Variants in AEBP2 observed in about 807,000 individuals in gnomAD.
AEBP2 encodes the protein zinc finger protein AEBP2.
Under a neutral mutation model 50.8 loss-of-function variants are expected in AEBP2, and 10 were observed. The ratio of observed to expected loss-of-function variants is 0.20; its 90% CI spans 0.12 to 0.33. The LOEUF (loss-of-function observed/expected upper bound fraction) is 0.33. Among genes scored for constraint, AEBP2 ranks in the 10% least tolerant of loss-of-function variants. AEBP2 has a pLI of 1.00. For synonymous variants in AEBP2, 296 were observed against 261.3 expected (o/e 1.13, Z -1.28); for missense variants, 570 against 688.0 (o/e 0.83, Z 1.92).
chr12:19,408,484 A>G (rs933343014), intron 1 of AEBP2, among the ~76,000 whole-genome samples: 4 of 149,584 alleles, frequency 2.7e-5, no homozygotes, highest in Non-Finnish European at 5.9e-5. Flanking sequence ...AGGAGGTGGA[A>G]GTTGCGGTGA....
chr12:19,424,660 T>C (rs1304463071), intron 1 of AEBP2, among the ~76,000 whole-genome samples: 1 of 151,702 alleles, frequency 6.6e-6, no homozygotes, highest in Non-Finnish European at 1.5e-5. Context: ...CCTCCTAAAG[T>C]GCTGGGATTA....
At chr12:19,495,795 C>A (rs185819053) in intron 4 of AEBP2, among the ~76,000 whole-genome samples, 2 of 152,098 alleles carry the variant, frequency 1.3e-5, no homozygotes, top group Admixed American at 6.6e-5. Context: ...CCTTCCACTT[C>A]AGCCTCCCAA....
chr12:19,408,323 G>A (rs67682727), intron 1 of AEBP2, among the ~76,000 whole-genome samples: 12,726 of 152,014 alleles, frequency 0.084, 597 homozygotes, highest in Middle Eastern at 0.16. Flanking sequence ...ATGGGAGGCC[G>A]AGGTGGACGG....
chr12:19,462,233 T>C (rs1331725434), intron 1 of AEBP2, among the ~76,000 whole-genome samples: 2 of 152,138 alleles, frequency 1.3e-5, no homozygotes, highest in African/African-American at 4.8e-5. Context: ...TGTGGTTTGT[T>C]TTCTGTAAGA....
rs1949351884 is a variant in AEBP2 at position 19,518,482 on chromosome 12, A to G, written c.*365A>G. The G allele has an allele frequency of 3.2e-6, 4 of 1,240,380 alleles. 1 individual carries two copies. In the South Asian group the frequency reaches 9.9e-5, roughly 31 times the overall value. The allele number at this position is 1,240,380 out of a possible 1,614,324, so 76.8% of individuals were successfully genotyped here. On this transcript the variant is annotated 3_prime_UTR_variant, in exon 8 of 8. Transcript: ENST00000266508. ...CCCTTTAGTGATTTCAGTAGTTTAT[A>G]TTGGAAAGAAAAACAATTACAACAT...
At chr12:19,420,218 G>A (rs1242215761) in intron 1 of AEBP2, among the ~76,000 whole-genome samples, 6 of 150,714 alleles carry the variant, frequency 4.0e-5, no homozygotes, top group Non-Finnish European at 7.4e-5. Flanking sequence ...TAGTAGAGAC[G>A]GGGTTTCACC....
Position 19,518,213 on chromosome 12 carries a change from C to G in AEBP2, c.*96C>G. 7.4e-7 allele frequency: 1 copy of G among 1,347,030 alleles called. No homozygotes were observed. The highest frequency in any genetic ancestry group is 9.5e-7 in the Non-Finnish European group (1 of 1,051,940). 83.4% of individuals were successfully genotyped at this position (1,347,030 alleles called of 1,614,324 possible). A position where few individuals can be genotyped will look rare whatever the true frequency, so the allele number is the denominator to read the frequency against. ...GGGAAAGTTGCACATTAGAGTCAAC[C>G]CCTTCTTTTTTTTTTTTTTTTTTTT... On this transcript the variant is annotated 3_prime_UTR_variant, in exon 8 of 8. Transcript: ENST00000266508.
rs566934179 is a variant in AEBP2 at position 19,489,795 on chromosome 12, A to AT, written c.988-4002dup. On this transcript the variant is annotated intron_variant, in intron 3 of 7. Coordinates refer to ENST00000266508, the MANE Select transcript of AEBP2 (RefSeq NM_153207.5). ...TTTCCTTTAGCAGAGAAGAGTTTGT[A>AT]TTTAAGTGAAATATGTGTGATTCTA... Among the ~76,000 whole-genome samples, 32 of 151,872 alleles carry AT rather than the reference A, an allele frequency of 2.1e-4. No individual in the cohort carries two copies. The East Asian group carries it at 5.6e-3, about 27-fold the overall frequency.
intron 3 of AEBP2, among the ~76,000 whole-genome samples, chr12:19,491,094 G>T (rs1453154029): frequency 2.0e-5 from 3 of 152,200 alleles, no homozygotes; most frequent in Non-Finnish European, 2.9e-5. Flanking sequence ...TCGTAGGTTT[G>T]CAGTGACCTT....
At chr12:19,514,191 G>T (rs1474235881) in intron 6 of AEBP2, among the ~76,000 whole-genome samples, 1 of 151,888 alleles carries the variant, frequency 6.6e-6, no homozygotes, top group South Asian at 2.1e-4. Context: ...GTACAGATGG[G>T]GTTTCACCAT....
intron 1 of AEBP2, chr12:19,413,322 G>T (rs1248005510): frequency 2.0e-5 from 25 of 1,242,740 alleles, no homozygotes; most frequent in Non-Finnish European, 2.8e-5. Flanking sequence ...CAGATGGCAA[G>T]ATATGGACAA....
intron 1 of AEBP2, among the ~76,000 whole-genome samples, chr12:19,431,238 G>A (rs1345221526): frequency 1.3e-5 from 2 of 152,168 alleles, no homozygotes; most frequent in Non-Finnish European, 2.9e-5. Flanking sequence ...GATTTATCCA[G>A]ACTGCTGATA....
At chr12:19,484,234 C>T (rs1948772872) in intron 3 of AEBP2, among the ~76,000 whole-genome samples, 2 of 149,008 alleles carry the variant, frequency 1.3e-5, no homozygotes, top group African/African-American at 5.0e-5. Context: ...CAGGCAGGCA[C>T]CACAACGCCC....
chr12:19,441,097 A>G (rs1947950917), intron 1 of AEBP2, among the ~76,000 whole-genome samples: 1 of 152,240 alleles, frequency 6.6e-6, no homozygotes, highest in Non-Finnish European at 1.5e-5. Context: ...AACAAAATAC[A>G]GTCTTGAAGG....
chr12:19,507,348 A>G (rs930409805), intron 5 of AEBP2, among the ~76,000 whole-genome samples: 1 of 152,186 alleles, frequency 6.6e-6, no homozygotes, highest in South Asian at 2.1e-4. Flanking sequence ...TTTTGATGAA[A>G]TCCTTAGCTT....
In AEBP2 at chr12:19,522,136, T is replaced by C. The variant is rs1407185748; in HGVS notation, c.*4019T>C. On this transcript the variant is annotated 3_prime_UTR_variant, in exon 8 of 8. Transcript: ENST00000266508. ...AAAACATATTTCTCTATTCTAAAAA[T>C]TACAGAATATGTATTCATAAAAGGG... 1.3e-5 allele frequency: 2 copies of C among 152,052 alleles called. No individual in the cohort carries two copies. Among genetic ancestry groups the C allele is most frequent in the Non-Finnish European group, 2.9e-5 (2 of 67,980 alleles). 9.4% of individuals were successfully genotyped at this position (152,052 alleles called of 1,614,324 possible).
chr12:19,459,404 T>A (rs1948331437), intron 1 of AEBP2, among the ~76,000 whole-genome samples: 1 of 152,054 alleles, frequency 6.6e-6, no homozygotes, highest in Admixed American at 6.6e-5. Context: ...GCTAATTTTT[T>A]GTGTTTTTAA....
chr12:19,447,382 G>A (rs1437129800), intron 1 of AEBP2, among the ~76,000 whole-genome samples: 2 of 152,170 alleles, frequency 1.3e-5, no homozygotes, highest in African/African-American at 2.4e-5. Context: ...TATCTCCACT[G>A]CTGGGTTGTG....
chr12:19,421,331 C>T (rs1315257427), intron 1 of AEBP2, among the ~76,000 whole-genome samples: 7 of 116,614 alleles, frequency 6.0e-5, no homozygotes, highest in South Asian at 2.7e-4. Context: ...GGTGACAGAG[C>T]GAGACTCTGT....
Sources: allele counts gnomAD v4.1 joint callset (sites outside exome capture counted in the v4.1 genomes callset), GRCh38; gene constraint gnomAD v4.1.1; transcripts MANE v1.5; gene names NCBI Gene and HGNC (gene_info 2026-07-23, HGNC 2026-07-21).